Variants in HERC3 observed in about 807,000 individuals in gnomAD.
HERC3 encodes the protein probable E3 ubiquitin-protein ligase HERC3.
Under a neutral mutation model 129.9 loss-of-function variants are expected in HERC3, and 58 were observed. The observed-to-expected ratio is 0.45, with a 90% CI of 0.36 to 0.56. The LOEUF (loss-of-function observed/expected upper bound fraction) is 0.56. Among genes scored for constraint, HERC3 ranks in the 20% least tolerant of loss-of-function variants. The probability of loss-of-function intolerance (pLI) is 0.00; values close to 1 mark genes in which losing one functional copy is unlikely to be tolerated. For missense variants in HERC3, 835 were observed against 1,244.2 expected, an observed-to-expected ratio of 0.67 and a Z score of 4.95; for synonymous variants, 430 against 451.0, an observed-to-expected ratio of 0.95 and a Z score of 0.59.
the HERC3 span, among the ~76,000 whole-genome samples, chr4:88,565,992 T>G: frequency 6.6e-6 from 1 of 152,220 alleles, no homozygotes; most frequent in East Asian, 1.9e-4. Context: ...ACTTTTATTT[T>G]AAGTTCAGGG....
chr4:88,619,178 C>T (rs1315405290), intron 3 of HERC3, among the ~76,000 whole-genome samples: 2 of 152,214 alleles, frequency 1.3e-5, no homozygotes, highest in East Asian at 3.8e-4. Flanking sequence ...ATTCTTTTCA[C>T]GTTTTCTGTT....
chr4:88,527,418 T>C, the HERC3 span: 82,720 of 159,838 alleles, frequency 0.52, 23,891 homozygotes, highest in East Asian at 0.92. Context: ...CCACCACACC[T>C]GGCTAATTTC....
At chr4:88,564,806 G>A in the HERC3 span, among the ~76,000 whole-genome samples, 1 of 151,920 alleles carries the variant, frequency 6.6e-6, no homozygotes, top group Non-Finnish European at 1.5e-5. Context: ...TCTTTAAGGT[G>A]CATCATTAGG....
intron 11 of HERC3, among the ~76,000 whole-genome samples, chr4:88,662,919 C>T (rs1730642900): frequency 6.6e-6 from 1 of 151,302 alleles, no homozygotes; most frequent in Non-Finnish European, 1.5e-5. Flanking sequence ...AAATCTGAGA[C>T]AGCTGTTATC....
chr4:88,540,565 G>A, the HERC3 span, among the ~76,000 whole-genome samples: 3 of 152,130 alleles, frequency 2.0e-5, no homozygotes, highest in Non-Finnish European at 4.4e-5. Context: ...AGGAAGGCAG[G>A]CCAGCATTCA....
the HERC3 span, among the ~76,000 whole-genome samples, chr4:88,537,702 G>A: frequency 6.6e-6 from 1 of 152,156 alleles, no homozygotes; most frequent in East Asian, 1.9e-4. Context: ...GTGTTATTTG[G>A]CCTTCTTAGA....
intron 18 of HERC3, among the ~76,000 whole-genome samples, chr4:88,676,668 T>C (rs1210970787): frequency 6.6e-6 from 1 of 152,246 alleles, no homozygotes; most frequent in Non-Finnish European, 1.5e-5. Flanking sequence ...GGGAACCGTA[T>C]GGTCTCTGTT....
the HERC3 span, among the ~76,000 whole-genome samples, chr4:88,544,435 A>T: frequency 6.6e-6 from 1 of 152,338 alleles, no homozygotes; most frequent in South Asian, 2.1e-4. Flanking sequence ...GCTGGAGAGG[A>T]TGTGGAGAAA....
chr4:88,647,045 T>G (rs1449569889), intron 3 of HERC3, among the ~76,000 whole-genome samples: 2 of 152,128 alleles, frequency 1.3e-5, no homozygotes, highest in Non-Finnish European at 2.9e-5. Flanking sequence ...GTCCTTTACC[T>G]TGCAAAAATG....
chr4:88,622,585 A>G (rs991305836), intron 3 of HERC3, among the ~76,000 whole-genome samples: 1 of 152,206 alleles, frequency 6.6e-6, no homozygotes, highest in Non-Finnish European at 1.5e-5. Context: ...TGATTGCACC[A>G]TTTTAAATTC....
chr4:88,619,126 T>C (rs1230814304), intron 3 of HERC3, among the ~76,000 whole-genome samples: 7 of 152,240 alleles, frequency 4.6e-5, no homozygotes, highest in Admixed American at 2.6e-4. Context: ...CTGGTCATCC[T>C]GGCGAGGTAG....
intron 10 of HERC3, 59 bp from the exon 11 acceptor site, chr4:88,662,372 A>C (rs1053867141): frequency 1.3e-6 from 2 of 1,491,120 alleles, no homozygotes; most frequent in African/African-American, 2.8e-5. Flanking sequence ...GAGAAAGGAG[A>C]GGAGACAAGA....
chr4:88,670,157 C>T lies in HERC3; in HGVS notation c.1816C>T (p.His606Tyr). 1 of 1,612,428 alleles carries T rather than the reference C, an allele frequency of 6.2e-7. No homozygotes were observed. The change falls in exon 16 of 26, where the codon CAT (histidine) becomes TAT (tyrosine). Residue 606 changes from histidine to tyrosine, a missense_variant. Coordinates refer to ENST00000402738, the MANE Select transcript of HERC3 (RefSeq NM_014606.3). ...KLYKVNLKVKHVEYDTFYIPE... is the reference protein window; with the variant it reads ...KLYKVNLKVKYVEYDTFYIPE... ...TCATTAGGTAAATCTTAAAGTGAAG[C>T]ATGTGGAATATGATACATTTTACAT...
the HERC3 span, among the ~76,000 whole-genome samples, chr4:88,535,000 T>G: frequency 6.6e-6 from 1 of 152,182 alleles, no homozygotes; most frequent in East Asian, 1.9e-4. Context: ...TTGAAGAGAG[T>G]CAGGAATTTG....
chr4:88,619,948 G>A (rs1260958629), intron 3 of HERC3, among the ~76,000 whole-genome samples: 1 of 152,202 alleles, frequency 6.6e-6, no homozygotes, highest in Admixed American at 6.5e-5. Context: ...GTAGGAAAAT[G>A]GGTTGTGCTG....
intron 23 of HERC3, chr4:88,696,637 T>G (rs1034383100): frequency 2.6e-5 from 4 of 152,758 alleles, no homozygotes; most frequent in African/African-American, 9.6e-5. Context: ...CTGGCCTTAT[T>G]AACAGTAGTG....
At chr4:88,703,610 G>T (rs1414846028) in intron 23 of HERC3, among the ~76,000 whole-genome samples, 1 of 152,102 alleles carries the variant, frequency 6.6e-6, no homozygotes, top group South Asian at 2.1e-4. Context: ...TCTTCCCAGA[G>T]GTAAAGGTTT....
intron 16 of HERC3, among the ~76,000 whole-genome samples, chr4:88,672,399 A>T (rs1290558143): frequency 6.6e-6 from 1 of 152,208 alleles, no homozygotes; most frequent in Admixed American, 6.5e-5. Flanking sequence ...TGAAATTAGT[A>T]TATGGCCTTT....
chr4:88,675,653 G>A (rs1732082907), intron 16 of HERC3, among the ~76,000 whole-genome samples: 2 of 151,558 alleles, frequency 1.3e-5, no homozygotes, highest in African/African-American at 4.9e-5. Flanking sequence ...TTATTCACAG[G>A]TGCATTCACG....
Sources: allele counts gnomAD v4.1 joint callset (sites outside exome capture counted in the v4.1 genomes callset), GRCh38; gene constraint gnomAD v4.1.1; transcripts MANE v1.5; gene names NCBI Gene and HGNC (gene_info 2026-07-23, HGNC 2026-07-21).